MTUS2: variants seen among roughly 807,000 people sequenced by gnomAD.
MTUS2 encodes microtubule-associated tumor suppressor candidate 2.
MTUS2 carries 40 observed loss-of-function variants against 114.1 expected under a neutral mutation model. The ratio of observed to expected loss-of-function variants is 0.35; its 90% CI spans 0.27 to 0.46. MTUS2 has a LOEUF of 0.46. Ranked by LOEUF, MTUS2 falls within the 20% of genes least tolerant of loss-of-function variation. The pLI is 1.00. For synonymous variants in MTUS2, 688 were observed against 672.0 expected, an observed-to-expected ratio of 1.02 and a Z score of -0.37; for missense variants, 1,679 against 1,705.4, an observed-to-expected ratio of 0.98 and a Z score of 0.27.
intron 7 of MTUS2, among the ~76,000 whole-genome samples, chr13:29,336,487 A>G (rs1057059977): frequency 6.6e-6 from 1 of 152,118 alleles, no homozygotes; most frequent in Admixed American, 6.5e-5. Context: ...GAACAGCAAA[A>G]ATTGCTGCCT....
Position 28,990,439 on chromosome 13 carries a change from A to G in MTUS2, c.-242-34018A>G, listed in dbSNP as rs149710932. ...CTAGCAGAAGGATTGTAAATGCACCAATCAGCACTCTGTAAAACCACACCA... is the reference window on the plus strand; with the variant it reads ...CTAGCAGAAGGATTGTAAATGCACCGATCAGCACTCTGTAAAACCACACCA... On this transcript the variant is annotated intron_variant, in intron 2 of 15. Transcript: ENST00000612955. Among the ~76,000 whole-genome samples the G allele has an allele frequency of 6.5e-3, 989 of 152,282 alleles. 10 individuals carry two copies. The highest frequency in any genetic ancestry group is 0.023 in the African/African-American group (944 of 41,550).
At chr13:28,986,631 A>G (rs541022853) in intron 2 of MTUS2, among the ~76,000 whole-genome samples, 2 of 152,152 alleles carry the variant, frequency 1.3e-5, no homozygotes, top group South Asian at 2.1e-4. Flanking sequence ...TTTGGCTGAG[A>G]TCTGTTCCTG....
Position 29,324,693 on chromosome 13 carries a change from A to G in MTUS2, c.2887A>G (p.Thr963Ala), listed in dbSNP as rs1294379831. ...TCCTAAGAGAGTAGCAGCTTCAACC[A>G]CCAAGCTTCATTCACCAGGTATGTA... ...SSPKRVAASTTKLHSPGYPKQ... is the reference protein window; with the variant it reads ...SSPKRVAASTAKLHSPGYPKQ... The change falls in exon 7 of 16, where the codon ACC (threonine) becomes GCC (alanine). Residue 963 changes from threonine (T) to alanine (A), a missense_variant. By Grantham distance (58) the Thr-to-Ala change is moderately conservative. Around this residue, in one of 3 missense-constraint regions of MTUS2, gnomAD observed 822 missense variants for 899.7 expected, o/e 0.91. Transcript: ENST00000612955. The G allele has an allele frequency of 6.3e-6, 10 of 1,598,086 alleles. No individual in the cohort carries two copies. The highest frequency in any genetic ancestry group is 8.5e-6 in the Non-Finnish European group (10 of 1,171,806).
intron 9 of MTUS2, among the ~76,000 whole-genome samples, chr13:29,473,178 G>C (rs1438937436): frequency 6.6e-6 from 1 of 151,900 alleles, no homozygotes; most frequent in Non-Finnish European, 1.5e-5. Flanking sequence ...TACACACAAA[G>C]TATTGGTTCA....
At chr13:29,430,308 T>C (rs1876893857) in intron 8 of MTUS2, among the ~76,000 whole-genome samples, 1 of 152,198 alleles carries the variant, frequency 6.6e-6, no homozygotes, top group Admixed American at 6.5e-5. Context: ...GAAAGGAGTC[T>C]GTTTCCCTAT....
At chr13:29,375,564 TA>T (rs377127517) in intron 8 of MTUS2, among the ~76,000 whole-genome samples, 55 of 4,396 alleles carry the variant, frequency 0.013, 2 homozygotes, top group Middle Eastern at 0.083. Flanking sequence ...TATACGTATA[TA>T]TATATATACA....
At chr13:29,066,008 C>T (rs139583503) in intron 4 of MTUS2, among the ~76,000 whole-genome samples, 39 of 152,240 alleles carry the variant, frequency 2.6e-4, no homozygotes, top group African/African-American at 9.1e-4. Context: ...TCTCACTACG[C>T]ATAACCCACA....
intron 2 of MTUS2, among the ~76,000 whole-genome samples, chr13:28,954,063 G>A (rs1882942597): frequency 1.3e-5 from 2 of 151,956 alleles, no homozygotes; most frequent in Admixed American, 6.6e-5. Context: ...ATGACAATGC[G>A]GTATTTAAAT....
chr13:28,884,032 T>G (rs561474014), intron 2 of MTUS2, among the ~76,000 whole-genome samples: 58 of 152,154 alleles, frequency 3.8e-4, no homozygotes, highest in Non-Finnish European at 7.3e-4. Flanking sequence ...CAGTTTCACT[T>G]CTGGATATAT....
At chr13:28,994,104 A>C (rs183478106) in intron 2 of MTUS2, among the ~76,000 whole-genome samples, 2 of 151,854 alleles carry the variant, frequency 1.3e-5, no homozygotes, top group African/African-American at 2.4e-5. Flanking sequence ...TCCTGTGTCC[A>C]TGTGTTCTCA....
rs978860026 is a variant in MTUS2 at position 29,480,050 on chromosome 13, G to C, written c.3185-100G>C. 83 of 1,260,004 alleles carry C rather than the reference G, an allele frequency of 6.6e-5. No homozygotes were observed. The highest frequency in any genetic ancestry group is 1.8e-5 in the Non-Finnish European group (16 of 902,190). 78.1% of individuals were successfully genotyped at this position (1,260,004 alleles called of 1,614,324 possible). Reference sequence around the variant, plus strand: ...TGCAGAAGTCAGAGGACCTCGCCCTGTTTATTACGCCAGCCTTGATGATCT... The same window carrying C: ...TGCAGAAGTCAGAGGACCTCGCCCTCTTTATTACGCCAGCCTTGATGATCT... On this transcript the variant is annotated intron_variant, in intron 9 of 15. Coordinates refer to ENST00000612955, the MANE Select transcript of MTUS2 (RefSeq NM_001033602.4). This position sits in a 1 kb window ranked among gnomAD's most constrained non-coding sequence, Gnocchi z 4.4.
chr13:29,375,937 C>T (rs1252295620), intron 8 of MTUS2, among the ~76,000 whole-genome samples: 3 of 151,650 alleles, frequency 2.0e-5, no homozygotes, highest in African/African-American at 7.3e-5. Context: ...CAGACTTCAC[C>T]ACTTTATAAT....
chr13:29,353,736 A>G (rs1233540753), intron 7 of MTUS2, among the ~76,000 whole-genome samples: 1 of 152,188 alleles, frequency 6.6e-6, no homozygotes, highest in Non-Finnish European at 1.5e-5. Flanking sequence ...TTTCTACACT[A>G]CTGAGCAAAA....
intron 9 of MTUS2, among the ~76,000 whole-genome samples, chr13:29,445,728 C>A (rs1023221451): frequency 7.0e-6 from 1 of 142,010 alleles, no homozygotes; most frequent in South Asian, 2.1e-4. Flanking sequence ...CCATGGCGAA[C>A]CCCATCTCTA....
intron 12 of MTUS2, among the ~76,000 whole-genome samples, chr13:29,493,950 G>T (rs959804326): frequency 6.6e-6 from 1 of 152,186 alleles, no homozygotes; most frequent in African/African-American, 2.4e-5. Context: ...GAGGTTATTT[G>T]GTGCAAGGAG....
At chr13:28,968,944 T>C (rs1021628765) in intron 2 of MTUS2, among the ~76,000 whole-genome samples, 7 of 152,230 alleles carry the variant, frequency 4.6e-5, no homozygotes, top group Non-Finnish European at 7.3e-5. Flanking sequence ...ATTCAAAAAT[T>C]ATACAGTAAA....
At chr13:28,828,602 A>G (rs529487196) in intron 1 of MTUS2, among the ~76,000 whole-genome samples, 13 of 152,332 alleles carry the variant, frequency 8.5e-5, no homozygotes, top group African/African-American at 2.9e-4. Context: ...TTCTTCTGCC[A>G]TGGCTTCAGC....
intron 2 of MTUS2, among the ~76,000 whole-genome samples, chr13:28,900,607 A>T (rs1165588335): frequency 6.6e-6 from 1 of 152,222 alleles, no homozygotes; most frequent in Non-Finnish European, 1.5e-5. Context: ...AAGTTGTTGT[A>T]TCAATAGTTT....
At chr13:29,354,239 C>CTT (rs1869543991) in intron 7 of MTUS2, among the ~76,000 whole-genome samples, 1 of 125,944 alleles carries the variant, frequency 7.9e-6, no homozygotes, top group African/African-American at 3.7e-5. Flanking sequence ...ATATTTTGGG[C>CTT]ATTTTTTTTT....
Sources: gnomAD v4.1 joint callset for allele counts (sites outside exome capture counted in the v4.1 genomes callset) on GRCh38, gnomAD v4.1.1 for gene constraint, gnomAD v4.1.1 regional missense constraint, Gnocchi (gnomAD v3.1) non-coding constraint, MANE v1.5 for transcripts, NCBI Gene and HGNC (gene_info 2026-07-23, HGNC 2026-07-21) for gene names.